The following ZFYVE28 variants were observed in gnomAD, a reference collection of about 807,000 sequenced individuals.
ZFYVE28 encodes the protein lateral signaling target protein 2 homolog.
ZFYVE28 carries 40 observed loss-of-function variants against 82.1 expected under a neutral mutation model. The observed-to-expected ratio is 0.49, with a 90% CI of 0.38 to 0.63. The LOEUF (loss-of-function observed/expected upper bound fraction) is 0.63. ZFYVE28 is among the 30% of genes least tolerant of loss of function. ZFYVE28 has a pLI of 0.00. For synonymous variants in ZFYVE28, 612 were observed against 546.1 expected (o/e 1.12, Z -1.68); for missense variants, 1,321 against 1,242.1 (o/e 1.06, Z -0.96).
intron 1 of ZFYVE28, among the ~76,000 whole-genome samples, chr4:2,405,515 A>G (rs1731784075): frequency 6.6e-6 from 1 of 152,208 alleles, no homozygotes; most frequent in Non-Finnish European, 1.5e-5. Flanking sequence ...CCCCGCTCCC[A>G]CTGCAGGCAG....
At chr4:2,334,740 T>TC (rs1302874994) in intron 6 of ZFYVE28, among the ~76,000 whole-genome samples, 217 of 15,562 alleles carry the variant, frequency 0.014, 36 homozygotes, top group Non-Finnish European at 0.023. Context: ...CACTGGACCC[T>TC]CCCCCTTCCC....
intron 1 of ZFYVE28, among the ~76,000 whole-genome samples, chr4:2,366,059 C>T (rs1448151822): frequency 6.6e-6 from 1 of 152,176 alleles, no homozygotes; most frequent in Non-Finnish European, 1.5e-5. Context: ...GCTCCCCCAG[C>T]GCAGCCAGTG....
chr4:2,406,062 A>AAAG (rs1553867782), intron 1 of ZFYVE28, among the ~76,000 whole-genome samples: 35,711 of 123,964 alleles, frequency 0.29, 6,039 homozygotes, highest in East Asian at 0.5. Flanking sequence ...AAAAAAAAAA[A>AAAG]AAAGAAAGAA....
rs55924862 is a variant in ZFYVE28 at position 2,404,309 on chromosome 4, C to CAAAAAAAAA, written c.39+13967_39+13975dup. Among the ~76,000 whole-genome samples, 13 of 66,524 alleles carry CAAAAAAAAA rather than the reference C, an allele frequency of 2.0e-4. 1 individual carries two copies. The highest frequency in any genetic ancestry group is 2.4e-4 in the African/African-American group (4 of 16,584). The allele number at this position is 66,524 out of a possible 152,430, so 43.6% of individuals were successfully genotyped here. ...TGCAGGACGGAGCGAGACTCCGCCT[C>CAAAAAAAAA]AAAAAAAAAAAAAAAAAAACGCTGA... is the stretch of plus-strand genomic sequence containing the variant. On this transcript the variant is annotated intron_variant, in intron 1 of 12. Coordinates refer to ENST00000290974, the MANE Select transcript of ZFYVE28 (RefSeq NM_020972.3).
intron 7 of ZFYVE28, among the ~76,000 whole-genome samples, chr4:2,317,460 C>T (rs73797718): frequency 0.011 from 1,691 of 152,232 alleles, 34 homozygotes; most frequent in African/African-American, 0.039. Flanking sequence ...GGTTTGGCTG[C>T]GCTTAGGCCT....
intron 1 of ZFYVE28, among the ~76,000 whole-genome samples, chr4:2,387,684 T>C (rs558406283): frequency 9.2e-5 from 14 of 152,270 alleles, no homozygotes; most frequent in African/African-American, 3.1e-4. Flanking sequence ...GAATACTGGT[T>C]GAACAAGCGT....
At chr4:2,381,555 C>T (rs1055845480) in intron 1 of ZFYVE28, among the ~76,000 whole-genome samples, 1 of 152,112 alleles carries the variant, frequency 6.6e-6, no homozygotes, top group South Asian at 2.1e-4. Context: ...TACAGGCACG[C>T]ACCACCATGC....
intron 6 of ZFYVE28, among the ~76,000 whole-genome samples, chr4:2,334,668 C>T (rs1040345894): frequency 6.6e-6 from 1 of 150,740 alleles, no homozygotes; most frequent in Non-Finnish European, 1.5e-5. Context: ...TCTCCACGGG[C>T]ATCTCTCTCA....
chr4:2,369,672 G>A (rs558091231), intron 1 of ZFYVE28, among the ~76,000 whole-genome samples: 14 of 151,868 alleles, frequency 9.2e-5, no homozygotes, highest in Non-Finnish European at 1.3e-4. Flanking sequence ...AAGATGGGGC[G>A]GAGATCGGTG....
Position 2,339,648 on chromosome 4 carries a change from G to T in ZFYVE28, c.326C>A (p.Ala109Asp). ...GQLWFGAECL[A>D]AGSIIMNREL... Reference sequence around the variant, plus strand: ...CCGGTTCATGATGATGGAGCCGGCGGCCAGGCACTGCGGGAGGGGACACAC... The same window carrying T: ...CCGGTTCATGATGATGGAGCCGGCGTCCAGGCACTGCGGGAGGGGACACAC... The change falls in exon 4 of 13, where the codon GCC (alanine) becomes GAC (aspartate). Residue 109 changes from alanine to aspartate, a missense_variant. By Grantham distance (126) the Ala-to-Asp change is moderately radical. Around this residue, in one of 2 missense-constraint regions of ZFYVE28, gnomAD observed 343 missense variants for 408.4 expected, o/e 0.84. Transcript: ENST00000290974. The surrounding 1 kb of genome is among the most constrained non-coding windows in gnomAD (Gnocchi z 5.0). 1 of 1,597,224 alleles carries T rather than the reference G, an allele frequency of 6.3e-7. No individual in the cohort carries two copies. The highest frequency in any genetic ancestry group is 8.5e-7 in the Non-Finnish European group (1 of 1,173,148).
intron 1 of ZFYVE28, among the ~76,000 whole-genome samples, chr4:2,405,249 C>T (rs1035629781): frequency 1.3e-5 from 2 of 152,196 alleles, no homozygotes; most frequent in Admixed American, 6.5e-5. Context: ...CAAGCGGCAC[C>T]GCGAAGGGAA....
chr4:2,381,266 G>T (rs1462832348), intron 1 of ZFYVE28, among the ~76,000 whole-genome samples: 1 of 152,204 alleles, frequency 6.6e-6, no homozygotes. Context: ...GAACTTGAGA[G>T]GGATGATTTA....
chr4:2,328,788 A>G (rs1720252800), intron 6 of ZFYVE28: 1 of 247,930 alleles, frequency 4.0e-6, no homozygotes, highest in Non-Finnish European at 7.6e-6. Flanking sequence ...TAACCATCGC[A>G]GGGTCCAACT....
At chr4:2,386,133 G>T (rs1420116301) in intron 1 of ZFYVE28, among the ~76,000 whole-genome samples, 1 of 152,182 alleles carries the variant, frequency 6.6e-6, no homozygotes, top group Non-Finnish European at 1.5e-5. Flanking sequence ...ACAGGGCTAT[G>T]GTTTGAATGT....
In ZFYVE28 at chr4:2,409,207, A is replaced by C. The variant is rs1578422180; in HGVS notation, c.39+9078T>G. On this transcript the variant is annotated intron_variant, in intron 1 of 12. Transcript: ENST00000290974. This position sits in a 1 kb window ranked among gnomAD's most constrained non-coding sequence, Gnocchi z 4.4. ...TCGCAGCTCCTCTCCTGAGCTCCCCATCCCCAAACAGCACCTCTCCCCCAG... is the reference window on the plus strand; with the variant it reads ...TCGCAGCTCCTCTCCTGAGCTCCCCCTCCCCAAACAGCACCTCTCCCCCAG... Among the ~76,000 whole-genome samples the C allele has an allele frequency of 7.7e-6, 1 of 129,612 alleles. No individual in the cohort carries two copies. Among genetic ancestry groups the C allele is most frequent in the African/African-American group, 3.0e-5 (1 of 33,644 alleles). 85.0% of individuals were successfully genotyped at this position (129,612 alleles called of 152,430 possible).
At chr4:2,415,582 GA>G (rs1407499109) in intron 1 of ZFYVE28, among the ~76,000 whole-genome samples, 1 of 152,084 alleles carries the variant, frequency 6.6e-6, no homozygotes, top group Non-Finnish European at 1.5e-5. Context: ...TACAAAGTGG[GA>G]AAAAAATTCC....
At chr4:2,316,507 T>C (rs1489536246) in intron 7 of ZFYVE28, 3 of 152,266 alleles carry the variant, frequency 2.0e-5, no homozygotes, top group Non-Finnish European at 4.4e-5. Context: ...CACACTTGGT[T>C]GTGTCTCTCT....
chr4:2,330,971 G>A, intron 6 of ZFYVE28: 4 of 1,535,172 alleles, frequency 2.6e-6, no homozygotes, highest in Non-Finnish European at 3.5e-6. Flanking sequence ...GGCCCCTGAA[G>A]AGGATCCGGC....
chr4:2,407,987 T>C (rs1370174271), intron 1 of ZFYVE28, among the ~76,000 whole-genome samples: 1 of 152,218 alleles, frequency 6.6e-6, no homozygotes, highest in Non-Finnish European at 1.5e-5. Flanking sequence ...CTTGTAACTT[T>C]CTACTATGAA....
Sources: allele counts gnomAD v4.1 joint callset (sites outside exome capture counted in the v4.1 genomes callset), GRCh38; gene constraint gnomAD v4.1.1; regional missense constraint gnomAD v4.1.1; non-coding constraint Gnocchi (gnomAD v3.1); transcripts MANE v1.5; gene names NCBI Gene and HGNC (gene_info 2026-07-23, HGNC 2026-07-21).